Variants in CDC37L1 observed in about 807,000 individuals in gnomAD.
The protein encoded by CDC37L1 is hsp90 co-chaperone Cdc37-like 1.
A neutral mutation model predicts 45.9 loss-of-function variants in CDC37L1; 32 were observed. The ratio of observed to expected loss-of-function variants is 0.70; its 90% CI spans 0.53 to 0.94. The LOEUF is 0.94. Ranked by LOEUF, CDC37L1 falls within the 40% of genes least tolerant of loss-of-function variation. CDC37L1 has a pLI of 0.00. For synonymous variants in CDC37L1, 150 were observed against 133.0 expected (o/e 1.13, Z -0.88); for missense variants, 434 against 405.7 (o/e 1.07, Z -0.60).
At position 4,684,804 on chromosome 9, in the gene CDC37L1, TAAG is replaced by T. The variant is rs1370169826; in HGVS notation, c.133-70_133-68del. On this transcript the variant is annotated intron_variant, in intron 1 of 6. Coordinates refer to ENST00000381854, the MANE Select transcript of CDC37L1 (RefSeq NM_017913.4). ...AATATTGTACAGAAATCCTTTGAAT[TAAG>T]AAAAATTGAACTGTGCTGCACAAAC... is the stretch of plus-strand genomic sequence containing the variant. 1.4e-5 allele frequency: 15 copies of T among 1,103,504 alleles called. No individual in the cohort carries two copies. The African/African-American group carries it at 2.1e-4, about 15-fold the overall frequency. The allele number at this position is 1,103,504 out of a possible 1,614,324, so 68.4% of individuals were successfully genotyped here. A position where few individuals can be genotyped will look rare whatever the true frequency, so the allele number is the denominator to read the frequency against.
intron 5 of CDC37L1, among the ~76,000 whole-genome samples, chr9:4,698,504 C>T (rs2130852297): frequency 1.3e-5 from 2 of 151,252 alleles, no homozygotes; most frequent in Middle Eastern, 6.8e-3. Flanking sequence ...GTACCTTTCA[C>T]ACTCACAAGA....
At chr9:4,702,099 TC>T in intron 6 of CDC37L1, 71 bp downstream of exon 6, 3 of 699,770 alleles carry the variant, frequency 4.3e-6, no homozygotes, top group East Asian at 3.2e-5. Flanking sequence ...TTTGCCCCAC[TC>T]TTTTTTTTTT....
rs1841437070 is a variant in CDC37L1, at chr9:4,705,928, T to A, written c.913-83T>A. The A allele has an allele frequency of 2.4e-5, 14 of 575,518 alleles. No homozygotes were observed. The East Asian group carries it at 3.9e-4, about 16-fold the overall frequency. 35.7% of individuals were successfully genotyped at this position (575,518 alleles called of 1,614,324 possible). ...CTGCAGAGAAATAGGACGGTGAAAC[T>A]GAATATATATGTATGTACTGTCATA... On this transcript the variant is annotated intron_variant, in intron 6 of 6. Transcript: ENST00000381854.
In CDC37L1 at chr9:4,679,755, G is replaced by A; in HGVS notation, c.-13G>A. 6.2e-7 allele frequency: 1 copy of A among 1,607,174 alleles called. No individual in the cohort carries two copies. Among genetic ancestry groups the A allele is most frequent in the Non-Finnish European group, 8.5e-7 (1 of 1,176,030 alleles). ...AGGGCCAAGGGCGGTTGTAGGACCC[G>A]GAGCAGCCGGACATGGAACAACCGT... On this transcript the variant is annotated 5_prime_UTR_variant, in exon 1 of 7. Transcript: ENST00000381854.
intron 5 of CDC37L1, among the ~76,000 whole-genome samples, chr9:4,700,629 C>T (rs1841388157): frequency 6.6e-6 from 1 of 152,182 alleles, no homozygotes. Context: ...TCAATCTTAA[C>T]ATTGTATGCT....
chr9:4,688,082 C>G (rs918970311), intron 2 of CDC37L1, among the ~76,000 whole-genome samples: 3 of 152,236 alleles, frequency 2.0e-5, no homozygotes, highest in African/African-American at 7.2e-5. Flanking sequence ...ACTACAACCT[C>G]TGCCTCCTGG....
At chr9:4,698,951 A>T (rs1271182472) in intron 5 of CDC37L1, among the ~76,000 whole-genome samples, 1 of 151,900 alleles carries the variant, frequency 6.6e-6, no homozygotes, top group Non-Finnish European at 1.5e-5. Context: ...CTTTTTTTTT[A>T]AATAAAAATG....
rs1389540000 is a variant in CDC37L1 at position 4,708,298 on chromosome 9, G to A, written c.*2186G>A. 6.6e-6 allele frequency: 1 copy of A among 152,146 alleles called. No homozygotes were observed. The highest frequency in any genetic ancestry group is 6.6e-5 in the Admixed American group (1 of 15,262). The allele number at this position is 152,146 out of a possible 1,614,324, so 9.4% of individuals were successfully genotyped here. A position where few individuals can be genotyped will look rare whatever the true frequency, so the allele number is the denominator to read the frequency against. ...CTAAACAAATTAAACCATGGAAAGT[G>A]CAAACACATGAATGAAACATTTTTT... On this transcript the variant is annotated 3_prime_UTR_variant, in exon 7 of 7. Coordinates refer to ENST00000381854, the MANE Select transcript of CDC37L1 (RefSeq NM_017913.4).
At chr9:4,688,712 C>T in intron 3 of CDC37L1, 106 bp downstream of exon 3, 1 of 702,526 alleles carries the variant, frequency 1.4e-6, no homozygotes, top group Non-Finnish European at 2.3e-6. Flanking sequence ...GTGGCAAACT[C>T]CAATTTTGTA....
intron 1 of CDC37L1, among the ~76,000 whole-genome samples, chr9:4,684,490 A>C (rs1412325295): frequency 6.6e-6 from 1 of 152,188 alleles, no homozygotes. Context: ...TGGAGAACAA[A>C]ATTATAAAGG....
At chr9:4,685,738 T>C (rs1460551782) in intron 2 of CDC37L1, among the ~76,000 whole-genome samples, 2 of 152,198 alleles carry the variant, frequency 1.3e-5, no homozygotes, top group Non-Finnish European at 1.5e-5. Context: ...TTTTTCAAAC[T>C]TCAGGGTTTT....
chr9:4,701,762 C>A, intron 5 of CDC37L1, 102 bp from the exon 6 acceptor site: 1 of 743,908 alleles, frequency 1.3e-6, no homozygotes, highest in Non-Finnish European at 2.1e-6. Context: ...TTCACCTTGT[C>A]ATTACTTCCT....
Position 4,688,587 on chromosome 9 carries a change from G to A in CDC37L1, c.489G>A (p.Glu163=). Residue 163 remains glutamate (E), a synonymous_variant, in exon 3 of 7, where the codon GAG becomes GAA. Transcript: ENST00000381854. ...CAGAATCATTTATGCAAAAATATGAGCAAAAAATCAGACATTTTGGTAAGT... is the reference window on the plus strand; with the variant it reads ...CAGAATCATTTATGCAAAAATATGAACAAAAAATCAGACATTTTGGTAAGT... ...DKSESFMQKY[E]QKIRHFGMLS... 6.6e-7 allele frequency: 1 copy of A among 1,520,742 alleles called. No individual in the cohort carries two copies. The highest frequency in any genetic ancestry group is 1.3e-5 in the South Asian group (1 of 76,678). The allele number at this position is 1,520,742 out of a possible 1,614,324, so 94.2% of individuals were successfully genotyped here. A position where few individuals can be genotyped will look rare whatever the true frequency, so the allele number is the denominator to read the frequency against.
intron 6 of CDC37L1, among the ~76,000 whole-genome samples, chr9:4,702,812 C>G (rs1841411494): frequency 6.7e-6 from 1 of 148,912 alleles, no homozygotes. Context: ...TGGCGTGAAC[C>G]CGGGAGGCAG....
chr9:4,703,322 A>T, intron 6 of CDC37L1: 1 of 327,518 alleles, frequency 3.1e-6, no homozygotes, highest in Non-Finnish European at 5.4e-6. Flanking sequence ...AGTCAAAAAT[A>T]TTATTATCAG....
chr9:4,694,974 A>G (rs1841333722), intron 3 of CDC37L1, among the ~76,000 whole-genome samples: 2 of 152,196 alleles, frequency 1.3e-5, no homozygotes. Context: ...ACCAGAATGG[A>G]TAAGGCTTTT....
At chr9:4,692,083 A>G (rs1191803495) in intron 3 of CDC37L1, among the ~76,000 whole-genome samples, 3 of 152,186 alleles carry the variant, frequency 2.0e-5, no homozygotes. Context: ...ACCAAGAGCT[A>G]TAAAAGTTTG....
chr9:4,701,876 G>C lies in CDC37L1; in HGVS notation c.760G>C (p.Gly254Arg). ...TTGTTTTTTCTAGGCAGAGGAAGAA[G>C]GTTATTTTGAAGCATTCAAAAATGA... ...FFQKAKAEEEGYFEAFKNELE... is the reference protein window; with the variant it reads ...FFQKAKAEEERYFEAFKNELE... Residue 254 changes from glycine (G) to arginine (R), a missense_variant, in exon 6 of 7, where the codon GGT becomes CGT. Gly to Arg is a moderately radical substitution (Grantham distance 125). Transcript: ENST00000381854. 6.3e-7 allele frequency: 1 copy of C among 1,599,648 alleles called. No individual in the cohort carries two copies. The highest frequency in any genetic ancestry group is 8.5e-7 in the Non-Finnish European group (1 of 1,174,944).
intron 5 of CDC37L1, 98 bp downstream of exon 5, chr9:4,697,977 CACAGGCTAAA>C: frequency 4.6e-6 from 5 of 1,080,826 alleles, no homozygotes; most frequent in Non-Finnish European, 6.8e-6. Flanking sequence ...AGCAGGATGC[CACAGGCTAAA>C]TTCTGTAGAT....
Sources: gnomAD v4.1 joint callset for allele counts (sites outside exome capture counted in the v4.1 genomes callset) on GRCh38, gnomAD v4.1.1 for gene constraint, MANE v1.5 for transcripts, NCBI Gene and HGNC (gene_info 2026-07-23, HGNC 2026-07-21) for gene names.